HS2ST1: variants seen among roughly 807,000 people sequenced by gnomAD.
The protein encoded by HS2ST1 is 2-O-sulfotransferase.
A neutral mutation model predicts 42.9 loss-of-function variants in HS2ST1; 18 were observed. The observed-to-expected ratio is 0.42, with a 90% CI of 0.29 to 0.62. The LOEUF (loss-of-function observed/expected upper bound fraction) is 0.62. HS2ST1 is among the 20% of genes least tolerant of loss of function. HS2ST1 has a pLI of 0.21. For missense variants in HS2ST1, 334 were observed against 433.8 expected, an observed-to-expected ratio of 0.77 and a Z score of 2.04; for synonymous variants, 146 against 152.9, an observed-to-expected ratio of 0.95 and a Z score of 0.33.
chr1:86,936,188 A>G (rs11582674), intron 1 of HS2ST1, among the ~76,000 whole-genome samples: 35,502 of 151,878 alleles, frequency 0.23, 4,863 homozygotes, highest in African/African-American at 0.37. Context: ...CTGAGTTTTT[A>G]GTTGCTTTCA....
At chr1:86,922,268 C>T (rs1247965019) in intron 1 of HS2ST1, among the ~76,000 whole-genome samples, 1 of 150,952 alleles carries the variant, frequency 6.6e-6, no homozygotes, top group Non-Finnish European at 1.5e-5. Flanking sequence ...TTTCTGGGTT[C>T]TTGCTATCGT....
intron 1 of HS2ST1, chr1:86,934,616 A>T (rs765764166): frequency 1.3e-5 from 2 of 152,008 alleles, no homozygotes; most frequent in Non-Finnish European, 2.9e-5. Flanking sequence ...TCAATTCTCT[A>T]TTGGGTCTAA....
intron 1 of HS2ST1, among the ~76,000 whole-genome samples, chr1:87,036,140 C>T (rs980309233): frequency 2.6e-5 from 4 of 152,144 alleles, no homozygotes; most frequent in African/African-American, 9.7e-5. Context: ...GACATGAATT[C>T]ATCCTGTTTT....
chr1:86,977,655 A>G (rs1273583705), intron 1 of HS2ST1, among the ~76,000 whole-genome samples: 1 of 152,216 alleles, frequency 6.6e-6, no homozygotes, highest in Non-Finnish European at 1.5e-5. Context: ...TCAAATAGGA[A>G]AGGACTTTTA....
At chr1:86,930,907 A>G (rs1660528132) in intron 1 of HS2ST1, among the ~76,000 whole-genome samples, 1 of 152,020 alleles carries the variant, frequency 6.6e-6, no homozygotes, top group Non-Finnish European at 1.5e-5. Flanking sequence ...GAGTCTTTAA[A>G]ATAAGTGATT....
intron 1 of HS2ST1, among the ~76,000 whole-genome samples, chr1:86,962,606 G>A (rs1474749543): frequency 1.3e-5 from 2 of 152,188 alleles, no homozygotes; most frequent in Admixed American, 6.5e-5. Context: ...ACACATGATT[G>A]GGTAAGATAC....
chr1:87,065,115 C>T (rs1651215406), intron 1 of HS2ST1, among the ~76,000 whole-genome samples: 1 of 152,194 alleles, frequency 6.6e-6, no homozygotes, highest in Non-Finnish European at 1.5e-5. Flanking sequence ...AAGCAAGAAT[C>T]AGTTAAATAG....
At chr1:87,026,959 A>G (rs1435920110) in intron 1 of HS2ST1, among the ~76,000 whole-genome samples, 1 of 152,190 alleles carries the variant, frequency 6.6e-6, no homozygotes, top group Non-Finnish European at 1.5e-5. Flanking sequence ...TATGTTAATC[A>G]TAATTAACCC....
chr1:86,984,035 A>G (rs1648683721), intron 1 of HS2ST1, among the ~76,000 whole-genome samples: 1 of 90,464 alleles, frequency 1.1e-5, no homozygotes, highest in Non-Finnish European at 2.6e-5. Context: ...GCAAGGCTCC[A>G]TCTCAAAAAA....
chr1:86,925,827 A>C (rs1660405718), intron 1 of HS2ST1, among the ~76,000 whole-genome samples: 1 of 152,188 alleles, frequency 6.6e-6, no homozygotes, highest in Admixed American at 6.5e-5. Flanking sequence ...GCTGTTGTCT[A>C]CTAATTCTAT....
chr1:87,080,164 AG>A (rs1414208415), intron 2 of HS2ST1, among the ~76,000 whole-genome samples: 2 of 152,230 alleles, frequency 1.3e-5, no homozygotes, highest in Non-Finnish European at 2.9e-5. Flanking sequence ...ATAGATATTT[AG>A]ATGTAGTCTC....
chr1:87,038,968 A>C (rs1650452065), intron 1 of HS2ST1, among the ~76,000 whole-genome samples: 1 of 152,210 alleles, frequency 6.6e-6, no homozygotes, highest in Non-Finnish European at 1.5e-5. Flanking sequence ...TATTGTATAC[A>C]ATTGAAAAGT....
In HS2ST1 at chr1:87,079,599, A is replaced by T. The variant is rs762302910; in HGVS notation, c.364-4595A>T. On this transcript the variant is annotated intron_variant, in intron 2 of 6. Coordinates refer to ENST00000370550, the MANE Select transcript of HS2ST1 (RefSeq NM_012262.4). ...TGTAAATTTTAAATCGGCCACAGCT[A>T]TGTTAATGAAACTTTAACATATTGC... Among the ~76,000 whole-genome samples, 101 of 152,376 alleles carry T rather than the reference A, an allele frequency of 6.6e-4. 1 individual carries two copies. The highest frequency in any genetic ancestry group is 4.7e-4 in the Non-Finnish European group (32 of 68,034).
At position 87,057,871 on chromosome 1, in the gene HS2ST1, A is replaced by G. The variant is rs193189340; in HGVS notation, c.125-15063A>G. ...GTCTCAAAAAAAGAAAAAGAGAGAG[A>G]AAAAAAACTGTATTTTTTGTCTTAA... On this transcript the variant is annotated intron_variant, in intron 1 of 6. Transcript: ENST00000370550. Among the ~76,000 whole-genome samples, 13 of 151,330 alleles carry G rather than the reference A, an allele frequency of 8.6e-5. No individual in the cohort carries two copies. The East Asian group carries it at 1.6e-3, about 18-fold the overall frequency.
intron 5 of HS2ST1, among the ~76,000 whole-genome samples, chr1:87,099,243 G>A (rs1652143521): frequency 6.6e-6 from 1 of 152,152 alleles, no homozygotes; most frequent in Admixed American, 6.5e-5. Context: ...ACCTGAGACT[G>A]GGTAATTTAT....
chr1:87,069,908 G>C (rs1570527586), intron 1 of HS2ST1, among the ~76,000 whole-genome samples: 1 of 152,222 alleles, frequency 6.6e-6, no homozygotes, highest in Non-Finnish European at 1.5e-5. Context: ...AAGTTGATGA[G>C]GTAATTTTAA....
intron 1 of HS2ST1, among the ~76,000 whole-genome samples, chr1:86,943,242 T>A (rs1044076313): frequency 2.0e-5 from 3 of 152,060 alleles, no homozygotes; most frequent in Non-Finnish European, 2.9e-5. Context: ...TCATTGGGTA[T>A]TTATTATTAT....
At chr1:87,067,312 C>G (rs1651278848) in intron 1 of HS2ST1, among the ~76,000 whole-genome samples, 1 of 152,214 alleles carries the variant, frequency 6.6e-6, no homozygotes, top group South Asian at 2.1e-4. Flanking sequence ...TTGCATTTCT[C>G]TAATTACCAG....
rs1480295616 is a variant in HS2ST1, at chr1:87,105,275, G to A, written c.*579G>A. On this transcript the variant is annotated 3_prime_UTR_variant, in exon 7 of 7. Coordinates refer to ENST00000370550, the MANE Select transcript of HS2ST1 (RefSeq NM_012262.4). ...GTAGGTGGTTTTAATTTTTTAAATG[G>A]TGATTAGTGTTAAAAATCAATTTAA... The A allele has an allele frequency of 6.6e-6, 1 of 152,546 alleles. No homozygotes were observed. Among genetic ancestry groups the A allele is most frequent in the East Asian group, 1.9e-4 (1 of 5,198 alleles). The allele number at this position is 152,546 out of a possible 1,614,324, so 9.4% of individuals were successfully genotyped here.
Sources: allele counts gnomAD v4.1 joint callset (sites outside exome capture counted in the v4.1 genomes callset), GRCh38; gene constraint gnomAD v4.1.1; transcripts MANE v1.5; gene names NCBI Gene and HGNC (gene_info 2026-07-23, HGNC 2026-07-21).